The following PCDH15 variants were observed in gnomAD, a reference collection of about 807,000 sequenced individuals.
The protein encoded by PCDH15 is protocadherin related 15.
Under a neutral mutation model 178.5 loss-of-function variants are expected in PCDH15, and 129 were observed. That is an observed-to-expected ratio of 0.72 (90% CI 0.63 to 0.84). The LOEUF (loss-of-function observed/expected upper bound fraction) is 0.84, where lower values mean the gene tolerates loss of function less well. Among genes scored for constraint, PCDH15 ranks in the 40% least tolerant of loss-of-function variants. PCDH15 has a pLI of 0.00. For synonymous variants in PCDH15, 800 were observed against 732.0 expected (o/e 1.09, Z -1.50); for missense variants, 2,230 against 2,099.9 (o/e 1.06, Z -1.21).
chr10:54,218,070 A>G (rs2134153682), intron 9 of PCDH15, among the ~76,000 whole-genome samples: 1 of 152,346 alleles, frequency 6.6e-6, no homozygotes, highest in African/African-American at 2.4e-5. Context: ...AGCATGCTAG[A>G]GAAATATTTT....
chr10:54,871,103 C>A (rs1197621073), intron 3 of PCDH15, among the ~76,000 whole-genome samples: 2 of 152,124 alleles, frequency 1.3e-5, no homozygotes, highest in African/African-American at 4.8e-5. Context: ...CTGTCACCAA[C>A]TACATTGTAA....
chr10:55,483,815 C>CAAAAAAA (rs71014494), intron 2 of PCDH15, among the ~76,000 whole-genome samples: 3 of 111,228 alleles, frequency 2.7e-5, no homozygotes, highest in African/African-American at 6.6e-5. Flanking sequence ...GACTCCATCT[C>CAAAAAAA]AAAAAAAAAA....
Position 54,445,110 on chromosome 10 carries a change from C to T in PCDH15, c.158-66168G>A, listed in dbSNP as rs138931944. On this transcript the variant is annotated intron_variant, in intron 3 of 37. Coordinates refer to ENST00000644397, the MANE Select transcript of PCDH15 (RefSeq NM_001384140.1). ...TTTTCATATGTCATGAGGATTCTCA[C>T]CCCAGTGTTCTGCTCCTCTGAGTCA... 1.0e-3 allele frequency among the ~76,000 whole-genome samples: 151 copies of T among 151,306 alleles called. 1 individual carries two copies. The highest frequency in any genetic ancestry group is 3.5e-3 in the African/African-American group (145 of 41,400).
At chr10:54,237,771 C>T (rs545160548) in intron 8 of PCDH15, among the ~76,000 whole-genome samples, 71 of 152,186 alleles carry the variant, frequency 4.7e-4, no homozygotes, top group Non-Finnish European at 9.1e-4. Context: ...AATAGATATG[C>T]TAAAAATACA....
Position 53,806,912 on chromosome 10 carries a change from T to C in PCDH15, c.4890A>G (p.Arg1630=), listed in dbSNP as rs753869248. 1 of 1,613,824 alleles carries C rather than the reference T, an allele frequency of 6.2e-7. No individual in the cohort carries two copies. The highest frequency in any genetic ancestry group is 1.1e-5 in the South Asian group (1 of 91,082). The change falls in exon 38 of 38, where the codon CGA becomes CGG. Residue 1630 remains arginine, a synonymous_variant. Coordinates refer to ENST00000644397, the MANE Select transcript of PCDH15 (RefSeq NM_001384140.1). ...CTAGTTTCTTAAAGGGCCCTCCCAGTCGAACAGGGGAAGCAACTTTTAAGT... is the reference window on the plus strand; with the variant it reads ...CTAGTTTCTTAAAGGGCCCTCCCAGCCGAACAGGGGAAGCAACTTTTAAGT... ...TDNLKVASPV[R]LGGPFKKLDK...
At chr10:53,880,182 T>C (rs2080601076) in intron 26 of PCDH15, among the ~76,000 whole-genome samples, 2 of 152,206 alleles carry the variant, frequency 1.3e-5, no homozygotes, top group Admixed American at 6.5e-5. Flanking sequence ...TTATGCATAT[T>C]ACATATAATG....
In PCDH15 at chr10:55,225,648, T is replaced by TGA. The variant is rs764747745; in HGVS notation, c.-155-58998_-155-58997insTC. Among the ~76,000 whole-genome samples the TGA allele has an allele frequency of 1.6e-3, 211 of 130,990 alleles. 2 individuals carry two copies. In the East Asian group the frequency reaches 0.029, roughly 18 times the overall value. The allele number at this position is 130,990 out of a possible 152,430, so 85.9% of individuals were successfully genotyped here. A position where few individuals can be genotyped will look rare whatever the true frequency, so the allele number is the denominator to read the frequency against. On this transcript the variant is annotated intron_variant, in intron 1 of 5. Transcript: ENST00000458638. Reference sequence around the variant, plus strand: ...GTGTGTGTGTGTTTGTGTGTGTGTGTGTGAGAGAGAGAGAGAGAGAGAGAA... The same window carrying TGA: ...GTGTGTGTGTGTTTGTGTGTGTGTGTGAGTGAGAGAGAGAGAGAGAGAGAGAA...
intron 17 of PCDH15, among the ~76,000 whole-genome samples, chr10:54,068,948 A>C (rs1283839827): frequency 6.6e-6 from 1 of 152,214 alleles, no homozygotes; most frequent in African/African-American, 2.4e-5. Context: ...TTCAAGTGCT[A>C]CTTGACTAGA....
intron 6 of PCDH15, 47 bp from the exon 7 acceptor site, chr10:54,329,753 G>A: frequency 8.3e-7 from 1 of 1,209,634 alleles, no homozygotes; most frequent in Non-Finnish European, 1.2e-6. Flanking sequence ...AATGTAAGAT[G>A]AATTAATAAC....
chr10:55,033,904 T>C (rs1375976609), intron 2 of PCDH15, among the ~76,000 whole-genome samples: 1 of 152,106 alleles, frequency 6.6e-6, no homozygotes, highest in Non-Finnish European at 1.5e-5. Context: ...CCCTTCTGAA[T>C]GGGATTAGAT....
intron 2 of PCDH15, among the ~76,000 whole-genome samples, chr10:55,348,050 T>C (rs1224186250): frequency 6.6e-6 from 1 of 152,052 alleles, no homozygotes. Context: ...AAAATTTCCA[T>C]GAGTATTTTT....
intron 2 of PCDH15, among the ~76,000 whole-genome samples, chr10:54,562,361 G>A (rs1177211825): frequency 6.6e-6 from 1 of 152,062 alleles, no homozygotes; most frequent in African/African-American, 2.4e-5. Context: ...AGGTTGGTAA[G>A]AAATCACTGA....
intron 2 of PCDH15, among the ~76,000 whole-genome samples, chr10:54,643,973 C>T (rs1300347595): frequency 1.0e-5 from 1 of 97,914 alleles, no homozygotes; most frequent in Non-Finnish European, 2.0e-5. Flanking sequence ...CCCCCCTCCC[C>T]CCACCCCACA....
At chr10:55,210,480 G>A (rs1840529956) in intron 1 of PCDH15, among the ~76,000 whole-genome samples, 1 of 151,742 alleles carries the variant, frequency 6.6e-6, no homozygotes, top group South Asian at 2.1e-4. Context: ...AGGAAGCATA[G>A]ACATCTGGTA....
chr10:54,542,930 G>A (rs2085418636), intron 2 of PCDH15, among the ~76,000 whole-genome samples: 2 of 152,150 alleles, frequency 1.3e-5, no homozygotes, highest in Non-Finnish European at 2.9e-5. Context: ...TACAAATACA[G>A]GTGGATGTGG....
intron 1 of PCDH15, among the ~76,000 whole-genome samples, chr10:55,288,726 G>A (rs1842935745): frequency 1.3e-5 from 2 of 151,814 alleles, no homozygotes; most frequent in Non-Finnish European, 1.5e-5. Context: ...GGTAAATACC[G>A]AATAAGATTT....
intron 25 of PCDH15, among the ~76,000 whole-genome samples, chr10:53,915,664 A>C (rs2083469725): frequency 6.6e-6 from 1 of 152,058 alleles, no homozygotes. Flanking sequence ...AGTTCAAGCA[A>C]TTCTCCTGCC....
At chr10:55,461,875 T>A (rs1237371150) in intron 2 of PCDH15, among the ~76,000 whole-genome samples, 3 of 152,136 alleles carry the variant, frequency 2.0e-5, no homozygotes, top group African/African-American at 4.8e-5. Context: ...GTGATTATCA[T>A]TCATCTGGTT....
chr10:55,312,621 G>GA (rs1246309714), intron 1 of PCDH15, among the ~76,000 whole-genome samples: 1,596 of 145,320 alleles, frequency 0.011, 30 homozygotes, highest in African/African-American at 0.037. Flanking sequence ...AAGTAATAGA[G>GA]TTTTTTTTTT....
Sources: gnomAD v4.1 joint callset for allele counts (sites outside exome capture counted in the v4.1 genomes callset) on GRCh38, gnomAD v4.1.1 for gene constraint, MANE v1.5 for transcripts, NCBI Gene and HGNC (gene_info 2026-07-23, HGNC 2026-07-21) for gene names.